The following RGS12 variants were observed in gnomAD, a reference collection of about 807,000 sequenced individuals.
RGS12 encodes the protein regulator of G protein signaling 12, also known as regulator of G-protein signaling 12.
RGS12 carries 66 observed loss-of-function variants against 120.1 expected under a neutral mutation model. That is an observed-to-expected ratio of 0.55 (90% confidence interval 0.45 to 0.67). The LOEUF (loss-of-function observed/expected upper bound fraction) is 0.67. Among genes scored for constraint, RGS12 ranks in the 30% least tolerant of loss-of-function variants. The probability of loss-of-function intolerance (pLI) is 0.00; values close to 1 mark genes in which losing one functional copy is unlikely to be tolerated. For missense variants in RGS12, 1,859 were observed against 1,957.7 expected (o/e 0.95, Z 0.95); for synonymous variants, 827 against 804.7 (o/e 1.03, Z -0.47).
chr4:3,423,091 T>A, intron 12 of RGS12, 113 bp downstream of exon 12: 5 of 441,906 alleles, frequency 1.1e-5, no homozygotes, highest in Non-Finnish European at 1.7e-5. Flanking sequence ...CATGCTGGGC[T>A]ACGATGGGGT....
At chr4:3,368,336 T>C (rs1716554248) in intron 3 of RGS12, among the ~76,000 whole-genome samples, 1 of 151,594 alleles carries the variant, frequency 6.6e-6, no homozygotes, top group South Asian at 2.1e-4. Flanking sequence ...TGCCTGTGTG[T>C]GTGCCTGTGT....
intron 3 of RGS12, among the ~76,000 whole-genome samples, chr4:3,379,005 ATGTGTGTGTGTGTGTGTGTGTG>A (rs3138719): frequency 2.3e-4 from 33 of 146,566 alleles, no homozygotes; most frequent in Middle Eastern, 3.5e-3. Flanking sequence ...GAAATGTGCG[ATGTGTGTGTGTGTGTGTGTGTG>A]TGTGTGTGTG....
chr4:3,321,188 G>A (rs1268611277), intron 2 of RGS12, among the ~76,000 whole-genome samples: 3 of 152,184 alleles, frequency 2.0e-5, no homozygotes, highest in African/African-American at 7.2e-5. Context: ...AAAGAGAAAA[G>A]AAAGGCTAAG....
At chr4:3,343,528 A>C (rs1165094533) in intron 3 of RGS12, among the ~76,000 whole-genome samples, 1 of 152,158 alleles carries the variant, frequency 6.6e-6, no homozygotes, top group Non-Finnish European at 1.5e-5. Context: ...CCACTTGTTA[A>C]AAATGCGCCG....
At chr4:3,308,199 C>A (rs952621135) in intron 1 of RGS12, among the ~76,000 whole-genome samples, 1 of 152,250 alleles carries the variant, frequency 6.6e-6, no homozygotes, top group Non-Finnish European at 1.5e-5. Flanking sequence ...CTGTGTTCCT[C>A]CCAACGCCTG....
intron 14 of RGS12, among the ~76,000 whole-genome samples, chr4:3,426,358 G>C (rs1037517331): frequency 6.6e-6 from 1 of 151,586 alleles, no homozygotes; most frequent in Admixed American, 6.6e-5. Context: ...GCCCAGGGGA[G>C]GGGGAGGCTT....
At chr4:3,386,564 C>T (rs890884075) in intron 4 of RGS12, 127 bp downstream of exon 4, 11 of 824,248 alleles carry the variant, frequency 1.3e-5, no homozygotes, top group African/African-American at 3.4e-5. Flanking sequence ...TCCTTGTGGG[C>T]GGGTTCTAGG....
chr4:3,404,089 A>T (rs2109047974), intron 4 of RGS12, among the ~76,000 whole-genome samples: 1 of 152,350 alleles, frequency 6.6e-6, no homozygotes, highest in African/African-American at 2.4e-5. Flanking sequence ...GCGAGATGGC[A>T]TATAGCTTAT....
intron 6 of RGS12, 128 bp downstream of exon 6, chr4:3,414,972 G>GGCGTGTGAGAGGTT: frequency 1.5e-6 from 1 of 674,690 alleles, no homozygotes; most frequent in South Asian, 1.7e-5. Flanking sequence ...GCGTGAGAGG[G>GGCGTGTGAGAGGTT]GCGTGTGAGA....
intron 3 of RGS12, among the ~76,000 whole-genome samples, chr4:3,355,554 G>A (rs891553267): frequency 2.0e-5 from 3 of 152,138 alleles, no homozygotes; most frequent in African/African-American, 7.2e-5. Flanking sequence ...CAGCACTCTG[G>A]GAGGCTGAAG....
chr4:3,413,096 G>GCC (rs1418238560), intron 4 of RGS12: 159 of 8,954 alleles, frequency 0.018, 59 homozygotes, highest in African/African-American at 0.094. Flanking sequence ...GGACGGGGGC[G>GCC]CCCCCACACT....
At chr4:3,428,506 T>G (rs2109215368) in intron 15 of RGS12, 52 bp from the exon 16 acceptor site, 1 of 1,432,628 alleles carries the variant, frequency 7.0e-7, no homozygotes, top group Non-Finnish European at 9.5e-7. Flanking sequence ...ATGAATGATG[T>G]ATTGTCGTGT....
chr4:3,421,414 CAGTT>C (rs1019996295), intron 10 of RGS12, among the ~76,000 whole-genome samples: 3 of 152,252 alleles, frequency 2.0e-5, no homozygotes, highest in African/African-American at 7.2e-5. Context: ...TACCAGGTAT[CAGTT>C]AGCTCTTGTT....
chr4:3,289,904 G>A (rs1212103361), upstream of RGS12, among the ~76,000 whole-genome samples: 3 of 152,166 alleles, frequency 2.0e-5, no homozygotes, highest in Non-Finnish European at 2.9e-5. Context: ...AAGTTAGACC[G>A]GGCAATATTT....
intron 4 of RGS12, among the ~76,000 whole-genome samples, chr4:3,402,596 A>G (rs551762996): frequency 6.6e-6 from 1 of 152,162 alleles, no homozygotes; most frequent in African/African-American, 2.4e-5. Context: ...CTTCCTCATG[A>G]GGTCAGCATT....
At chr4:3,362,873 G>A (rs1159511066) in intron 3 of RGS12, among the ~76,000 whole-genome samples, 1 of 129,800 alleles carries the variant, frequency 7.7e-6, no homozygotes, top group East Asian at 2.2e-4. Context: ...GCGAGGGTGT[G>A]TGTGTGTGAG....
At chr4:3,333,803 C>G (rs1712146271) in intron 2 of RGS12, among the ~76,000 whole-genome samples, 1 of 152,198 alleles carries the variant, frequency 6.6e-6, no homozygotes, top group African/African-American at 2.4e-5. Flanking sequence ...TATGTAGATT[C>G]TACAACCAGT....
intron 1 of RGS12, among the ~76,000 whole-genome samples, chr4:3,310,110 A>G (rs1393655575): frequency 1.2e-4 from 7 of 60,426 alleles, no homozygotes; most frequent in South Asian, 6.4e-4. Flanking sequence ...TCCTCTGAGG[A>G]GAGCTGAGCA....
At chr4:3,296,808 G>T (rs1210688683) in intron 1 of RGS12, among the ~76,000 whole-genome samples, 1 of 152,332 alleles carries the variant, frequency 6.6e-6, no homozygotes, top group East Asian at 1.9e-4. Flanking sequence ...CTGGAAACAG[G>T]TGTCCTGGGA....
Sources: gnomAD v4.1 joint callset for allele counts (sites outside exome capture counted in the v4.1 genomes callset) on GRCh38, gnomAD v4.1.1 for gene constraint, MANE v1.5 for transcripts, NCBI Gene and HGNC (gene_info 2026-07-23, HGNC 2026-07-21) for gene names.